The following PEAK1 variants were observed in gnomAD, a reference collection of about 807,000 sequenced individuals.
The protein encoded by PEAK1 is pseudopodium enriched atypical kinase 1, also known as inactive tyrosine-protein kinase PEAK1.
A neutral mutation model predicts 124.7 loss-of-function variants in PEAK1; 54 were observed. That is an observed-to-expected ratio of 0.43 (90% CI 0.35 to 0.54). PEAK1 has a LOEUF of 0.54. PEAK1 is among the 20% of genes least tolerant of loss of function. The pLI, the probability that PEAK1 is intolerant of heterozygous loss-of-function variation, is 0.01. For missense variants in PEAK1, 2,046 were observed against 2,134.5 expected (o/e 0.96, Z 0.82); for synonymous variants, 719 against 760.0 (o/e 0.95, Z 0.89).
rs559003048 is a variant in PEAK1, at chr15:77,393,799, G to A, written c.-666+26207C>T. 4.6e-5 allele frequency among the ~76,000 whole-genome samples: 7 copies of A among 152,324 alleles called. No individual in the cohort carries two copies. In the South Asian group the frequency reaches 1.4e-3, roughly 32 times the overall value. ...ACAGCTTACCAGTGCAGCCACAGTG[G>A]AATACAGCACCAAGGGGGATCTTGC... is the stretch of plus-strand genomic sequence containing the variant. On this transcript the variant is annotated intron_variant, in intron 1 of 9. Transcript: ENST00000682557.
chr15:77,241,010 A>G (rs2060332158), intron 6 of PEAK1, among the ~76,000 whole-genome samples: 2 of 151,788 alleles, frequency 1.3e-5, no homozygotes, highest in South Asian at 2.1e-4. Context: ...TGTTTGGCAG[A>G]AAAAAAAATT....
intron 1 of PEAK1, among the ~76,000 whole-genome samples, chr15:77,391,704 C>T (rs548631249): frequency 7.9e-5 from 12 of 152,078 alleles, no homozygotes; most frequent in Non-Finnish European, 1.3e-4. Flanking sequence ...AGTATCCCTT[C>T]CCAAAAAAGG....
chr15:77,182,544 G>A (rs1312220843), intron 6 of PEAK1, among the ~76,000 whole-genome samples: 1 of 151,946 alleles, frequency 6.6e-6, no homozygotes, highest in African/African-American at 2.4e-5. Context: ...TTGAGCCCAG[G>A]AGTTCAAGAC....
intron 7 of PEAK1, among the ~76,000 whole-genome samples, chr15:77,167,929 G>T (rs1019622540): frequency 1.3e-5 from 2 of 150,780 alleles, no homozygotes; most frequent in Non-Finnish European, 2.9e-5. Flanking sequence ...GAGGTTCCCC[G>T]CCCTGTCTCC....
At chr15:77,263,093 C>T (rs183668207) in intron 5 of PEAK1, among the ~76,000 whole-genome samples, 1 of 152,284 alleles carries the variant, frequency 6.6e-6, no homozygotes, top group Admixed American at 6.5e-5. Flanking sequence ...CTCTGGGACA[C>T]ATTCAAAGCA....
chr15:77,347,978 T>C (rs1007516836), intron 2 of PEAK1: 1 of 985,118 alleles, frequency 1.0e-6, no homozygotes, highest in African/African-American at 1.7e-5. Context: ...GGTTGCATAA[T>C]GCTAACAAGA....
upstream of PEAK1, chr15:77,420,259 G>T (rs1007770514): frequency 6.7e-6 from 1 of 150,344 alleles, no homozygotes; most frequent in Admixed American, 6.6e-5. Context: ...TCCTGGAGCC[G>T]TGAGCACGCG....
chr15:77,401,891 G>C (rs960823364), intron 1 of PEAK1: 31 of 985,286 alleles, frequency 3.1e-5, no homozygotes, highest in Non-Finnish European at 3.6e-5. Flanking sequence ...GCAAGATACA[G>C]AAGTAGCAAG....
intron 6 of PEAK1, among the ~76,000 whole-genome samples, chr15:77,219,248 T>G (rs1051792603): frequency 6.6e-6 from 1 of 151,752 alleles, no homozygotes; most frequent in Non-Finnish European, 1.5e-5. Flanking sequence ...GCAGAAAGAA[T>G]AGAAAGGAAG....
chr15:77,243,897 G>C (rs887362838), intron 6 of PEAK1, among the ~76,000 whole-genome samples: 5 of 152,168 alleles, frequency 3.3e-5, no homozygotes, highest in Admixed American at 6.5e-5. Flanking sequence ...GAACTTGAGA[G>C]GGGGAGGTTG....
intron 8 of PEAK1, among the ~76,000 whole-genome samples, chr15:77,147,502 A>C (rs1421014164): frequency 6.6e-6 from 1 of 152,188 alleles, no homozygotes; most frequent in African/African-American, 2.4e-5. Context: ...CAGTCTGATA[A>C]AGCAGTCAGA....
intron 6 of PEAK1, among the ~76,000 whole-genome samples, chr15:77,243,561 T>C (rs1172266600): frequency 6.6e-6 from 1 of 152,220 alleles, no homozygotes; most frequent in East Asian, 1.9e-4. Context: ...CCACCAACGC[T>C]CTTGCTATGT....
chr15:77,367,854 T>G (rs1294158573), intron 1 of PEAK1, among the ~76,000 whole-genome samples: 3 of 152,204 alleles, frequency 2.0e-5, no homozygotes, highest in Admixed American at 1.3e-4. Flanking sequence ...AACAGCATTC[T>G]AAGTGGTAGA....
intron 6 of PEAK1, among the ~76,000 whole-genome samples, chr15:77,194,605 C>A (rs1230609443): frequency 6.6e-6 from 1 of 152,152 alleles, no homozygotes; most frequent in Non-Finnish European, 1.5e-5. Flanking sequence ...ATGGCTTTTG[C>A]ATACCTTACT....
intron 6 of PEAK1, among the ~76,000 whole-genome samples, chr15:77,224,468 G>A (rs1596705466): frequency 6.6e-6 from 1 of 151,974 alleles, no homozygotes; most frequent in African/African-American, 2.4e-5. Flanking sequence ...GCTTAGAAGA[G>A]GGCTGATTTG....
At chr15:77,417,429 G>A (rs1276079055) in intron 1 of PEAK1, 6 of 949,986 alleles carry the variant, frequency 6.3e-6, no homozygotes, top group South Asian at 9.9e-5. Context: ...GAAAGGACTA[G>A]GAAGGAGAGT....
intron 7 of PEAK1, among the ~76,000 whole-genome samples, chr15:77,171,911 T>C (rs780769331): frequency 7.2e-5 from 11 of 152,200 alleles, no homozygotes; most frequent in African/African-American, 1.2e-4. Context: ...TCTGGCTTAA[T>C]AGAGGACAAC....
exon 7 of PEAK1, chr15:77,101,251 G>C (rs1338221099): frequency 1.3e-5 from 2 of 152,202 alleles, no homozygotes; most frequent in African/African-American, 4.8e-5. Flanking sequence ...GCAGGTAGGA[G>C]GTGTTCAGAG....
At chr15:77,271,876 C>T (rs1276208814) in intron 5 of PEAK1, among the ~76,000 whole-genome samples, 1 of 151,990 alleles carries the variant, frequency 6.6e-6, no homozygotes, top group Non-Finnish European at 1.5e-5. Context: ...CACATGTATA[C>T]ATATGTAACA....
Sources: allele counts gnomAD v4.1 joint callset (sites outside exome capture counted in the v4.1 genomes callset), GRCh38; gene constraint gnomAD v4.1.1; transcripts MANE v1.5; gene names NCBI Gene and HGNC (gene_info 2026-07-23, HGNC 2026-07-21).